The following DPP6 variants were observed in gnomAD, a reference collection of about 807,000 sequenced individuals.
DPP6 encodes A-type potassium channel modulatory protein DPP6.
Under a neutral mutation model 122.6 loss-of-function variants are expected in DPP6, and 69 were observed. That is an observed-to-expected ratio of 0.56 (90% CI 0.46 to 0.69). DPP6 has a LOEUF of 0.69. Among genes scored for constraint, DPP6 ranks in the 30% least tolerant of loss-of-function variants. The pLI is 0.00. For synonymous variants in DPP6, 418 were observed against 433.1 expected (o/e 0.97, Z 0.43); for missense variants, 928 against 1,116.9 (o/e 0.83, Z 2.41).
intron 5 of DPP6, among the ~76,000 whole-genome samples, chr7:154,580,363 G>A (rs530040637): frequency 1.3e-5 from 2 of 152,194 alleles, no homozygotes; most frequent in African/African-American, 4.8e-5. Context: ...CAGTGCACTC[G>A]GGCATAACTC....
chr7:154,227,879 C>G (rs1800703945), intron 1 of DPP6, among the ~76,000 whole-genome samples: 1 of 152,176 alleles, frequency 6.6e-6, no homozygotes, highest in African/African-American at 2.4e-5. Flanking sequence ...CTATGCCTGC[C>G]TTTTATCCTA....
At chr7:154,586,418 G>A (rs981634779) in intron 5 of DPP6, among the ~76,000 whole-genome samples, 1 of 152,120 alleles carries the variant, frequency 6.6e-6, no homozygotes, top group Non-Finnish European at 1.5e-5. Context: ...TGGTTAAGGA[G>A]CCACGGGTTA....
intron 10 of DPP6, among the ~76,000 whole-genome samples, chr7:154,793,380 GATGA>G (rs1236514934): frequency 2.0e-5 from 3 of 152,142 alleles, no homozygotes; most frequent in Non-Finnish European, 1.5e-5. Context: ...TGGGTGACTG[GATGA>G]ATTCCCAGAA....
intron 5 of DPP6, chr7:154,587,854 G>A: frequency 6.2e-7 from 1 of 1,612,868 alleles, no homozygotes; most frequent in Non-Finnish European, 8.5e-7. Flanking sequence ...CCATGTACAA[G>A]GGGGACCTGT....
At chr7:154,328,367 A>G (rs1458875057) in intron 1 of DPP6, among the ~76,000 whole-genome samples, 1 of 152,216 alleles carries the variant, frequency 6.6e-6, no homozygotes, top group Admixed American at 6.5e-5. Flanking sequence ...GCAGGGAAGT[A>G]ACGACGGGCC....
intron 1 of DPP6, among the ~76,000 whole-genome samples, chr7:154,406,499 A>T (rs1337997305): frequency 6.6e-6 from 1 of 151,734 alleles, no homozygotes; most frequent in African/African-American, 2.4e-5. Context: ...ACATGCACAC[A>T]TACATGCACA....
intron 8 of DPP6, among the ~76,000 whole-genome samples, chr7:154,728,691 A>G (rs1266161921): frequency 6.6e-6 from 1 of 152,198 alleles, no homozygotes; most frequent in African/African-American, 2.4e-5. Context: ...TATTTCTCAC[A>G]GCTCTGAAGC....
chr7:154,759,777 G>A (rs117172718), intron 8 of DPP6, among the ~76,000 whole-genome samples: 4 of 152,288 alleles, frequency 2.6e-5, no homozygotes, highest in East Asian at 3.9e-4. Context: ...GAAGGGGCTC[G>A]CTGCCTGTGC....
At chr7:154,165,920 A>C (rs3115191) in intron 1 of DPP6, among the ~76,000 whole-genome samples, 1 of 152,188 alleles carries the variant, frequency 6.6e-6, no homozygotes, top group African/African-American at 2.4e-5. Context: ...ATTGGAGCTT[A>C]CTTATCCTAC....
chr7:154,592,259 ATC>A (rs1832847130), intron 5 of DPP6, among the ~76,000 whole-genome samples: 1 of 152,262 alleles, frequency 6.6e-6, no homozygotes, highest in Non-Finnish European at 1.5e-5. Flanking sequence ...GACACTGCTT[ATC>A]TTGACTCAGG....
At chr7:154,056,952 T>A (rs1800877172) in intron 1 of DPP6, among the ~76,000 whole-genome samples, 1 of 152,240 alleles carries the variant, frequency 6.6e-6, no homozygotes, top group African/African-American at 2.4e-5. Flanking sequence ...ATCTTTCAAC[T>A]GTCTATTTGA....
intron 18 of DPP6, 145 bp downstream of exon 18, chr7:154,868,238 G>A: frequency 8.6e-7 from 1 of 1,157,442 alleles, no homozygotes; most frequent in Non-Finnish European, 1.2e-6. Flanking sequence ...CCTCTGGCAT[G>A]GAGTGTCTTG....
At chr7:154,770,346 A>G (rs372751437) in intron 9 of DPP6, among the ~76,000 whole-genome samples, 4 of 152,158 alleles carry the variant, frequency 2.6e-5, no homozygotes, top group East Asian at 1.9e-4. Flanking sequence ...CTTATTCACT[A>G]TCAGGAGAAC....
intron 5 of DPP6, among the ~76,000 whole-genome samples, chr7:154,579,147 G>A (rs1334172573): frequency 4.6e-5 from 7 of 152,056 alleles, no homozygotes; most frequent in African/African-American, 1.2e-4. Context: ...TCAGGAGTTC[G>A]AGACCAGCCT....
chr7:154,212,955 AGAAG>A (rs1799816618), intron 1 of DPP6, among the ~76,000 whole-genome samples: 1 of 152,220 alleles, frequency 6.6e-6, no homozygotes, highest in Non-Finnish European at 1.5e-5. Flanking sequence ...GAGGAGATCC[AGAAG>A]GCATTCTACA....
At chr7:153,805,433 T>C in the DPP6 span, among the ~76,000 whole-genome samples, 16 of 152,314 alleles carry the variant, frequency 1.1e-4, no homozygotes, top group East Asian at 3.1e-3. Context: ...TGGGTTAAGT[T>C]TTGAAAGAGT....
rs10668895 is a variant in DPP6 at position 154,668,197 on chromosome 7, T to TTATATATATATATA, written c.681-1154_681-1141dup. Reference sequence around the variant, plus strand: ...GTGCATTCCCAGCTATGTGTATATTTTATATATATATATATATATATAATA... The same window carrying TTATATATATATATA: ...GTGCATTCCCAGCTATGTGTATATTTTATATATATATATATATATATATATATATATATATAATA... On this transcript the variant is annotated intron_variant, in intron 6 of 25. Coordinates refer to ENST00000377770, the MANE Select transcript of DPP6 (RefSeq NM_130797.4). Among the ~76,000 whole-genome samples the TTATATATATATATA allele has an allele frequency of 1.7e-3, 63 of 36,478 alleles. 7 individuals are homozygous for TTATATATATATATA. Among genetic ancestry groups the TTATATATATATATA allele is most frequent in the Non-Finnish European group, 2.8e-3 (36 of 13,002 alleles). 23.9% of individuals were successfully genotyped at this position (36,478 alleles called of 152,430 possible). A position where few individuals can be genotyped will look rare whatever the true frequency, so the allele number is the denominator to read the frequency against.
intron 1 of DPP6, among the ~76,000 whole-genome samples, chr7:154,185,907 G>A (rs1163532180): frequency 6.6e-6 from 1 of 152,198 alleles, no homozygotes; most frequent in African/African-American, 2.4e-5. Context: ...TAAAGCATGT[G>A]TATAGTATAT....
At chr7:154,348,811 C>T (rs1810608390) in intron 1 of DPP6, among the ~76,000 whole-genome samples, 2 of 152,174 alleles carry the variant, frequency 1.3e-5, no homozygotes, top group African/African-American at 4.8e-5. Context: ...TTTTTGCCTA[C>T]TTCACAGACA....
Sources: gnomAD v4.1 joint callset for allele counts (sites outside exome capture counted in the v4.1 genomes callset) on GRCh38, gnomAD v4.1.1 for gene constraint, MANE v1.5 for transcripts, NCBI Gene and HGNC (gene_info 2026-07-23, HGNC 2026-07-21) for gene names.